Variants in TMEM232 observed in about 807,000 individuals in gnomAD.
TMEM232 encodes the protein transmembrane protein 232.
In TMEM232, 80 loss-of-function variants were observed where a neutral mutation model predicts 78.8. That is an observed-to-expected ratio of 1.01 (90% CI 0.85 to 1.22). The LOEUF (loss-of-function observed/expected upper bound fraction) is 1.22. TMEM232 is among the 50% of genes most tolerant of loss of function. The probability of loss-of-function intolerance (pLI) is 0.00; values close to 1 mark genes in which losing one functional copy is unlikely to be tolerated. For missense variants in TMEM232, 881 were observed against 742.2 expected, an observed-to-expected ratio of 1.19 and a Z score of -2.17; for synonymous variants, 297 against 254.3, an observed-to-expected ratio of 1.17 and a Z score of -1.60.
At chr5:110,466,574 G>A (rs1156692945) in intron 12 of TMEM232, among the ~76,000 whole-genome samples, 1 of 150,836 alleles carries the variant, frequency 6.6e-6, no homozygotes, top group African/African-American at 2.4e-5. Context: ...ATCCATTAAA[G>A]TATATTTAGT....
At chr5:110,435,186 C>T (rs755956388) in intron 12 of TMEM232, among the ~76,000 whole-genome samples, 1 of 151,712 alleles carries the variant, frequency 6.6e-6, no homozygotes, top group Non-Finnish European at 1.5e-5. Context: ...TTTCTGATTC[C>T]ACCAGAAGGC....
chr5:110,649,414 T>C (rs773475140), intron 2 of TMEM232, among the ~76,000 whole-genome samples: 7 of 152,150 alleles, frequency 4.6e-5, no homozygotes, highest in Non-Finnish European at 1.0e-4. Context: ...TATGTTCATA[T>C]AGTCTTCTGT....
chr5:110,387,457 T>C (rs535852474), intron 5 of TMEM232: 29 of 152,310 alleles, frequency 1.9e-4, no homozygotes, highest in African/African-American at 7.0e-4. Flanking sequence ...AAATTTTATT[T>C]AGTTATGTTT....
At chr5:110,559,662 G>T (rs1176781727) in intron 11 of TMEM232, among the ~76,000 whole-genome samples, 4 of 152,094 alleles carry the variant, frequency 2.6e-5, no homozygotes, top group East Asian at 3.9e-4. Flanking sequence ...CGTTAAAAAG[G>T]CTGAAAATTT....
intron 10 of TMEM232, among the ~76,000 whole-genome samples, chr5:110,596,682 C>T (rs1780209406): frequency 6.6e-6 from 1 of 152,182 alleles, no homozygotes; most frequent in Non-Finnish European, 1.5e-5. Flanking sequence ...AAGTGGGCTT[C>T]ATCCCTGGGA....
At chr5:110,682,335 C>T (rs79324560) in intron 1 of TMEM232, among the ~76,000 whole-genome samples, 256 of 151,938 alleles carry the variant, frequency 1.7e-3, no homozygotes, top group African/African-American at 5.7e-3. Flanking sequence ...GATTGAATTG[C>T]TCTCCCTTTA....
intron 1 of TMEM232, among the ~76,000 whole-genome samples, chr5:110,704,272 C>A (rs954442165): frequency 2.6e-5 from 4 of 152,004 alleles, no homozygotes; most frequent in Non-Finnish European, 4.4e-5. Context: ...CATACCTGTG[C>A]AGCTATAATC....
rs535861176 is a variant in TMEM232 at position 110,606,002 on chromosome 5, A to T, written c.1026+162T>A. Among the ~76,000 whole-genome samples, 10 of 152,202 alleles carry T rather than the reference A, an allele frequency of 6.6e-5. No individual in the cohort carries two copies. The South Asian group carries it at 1.0e-3, about 16-fold the overall frequency. ...TATGTAATGAAAATGAAAAATGTTT[A>T]TGATAAATGGTAACTGTGAATTTGC... On this transcript the variant is annotated intron_variant, in intron 9 of 13. Transcript: ENST00000455884.
intron 12 of TMEM232, among the ~76,000 whole-genome samples, chr5:110,505,378 G>C (rs1033788472): frequency 1.3e-5 from 2 of 152,190 alleles, no homozygotes; most frequent in African/African-American, 4.8e-5. Flanking sequence ...TGGTGATCAT[G>C]ATGGTTAGGG....
chr5:110,685,431 A>G (rs1051746644), intron 1 of TMEM232, among the ~76,000 whole-genome samples: 5 of 152,134 alleles, frequency 3.3e-5, no homozygotes, highest in African/African-American at 1.2e-4. Context: ...TAGTCTTTGG[A>G]AAAATTCAAA....
intron 12 of TMEM232, among the ~76,000 whole-genome samples, chr5:110,456,999 T>C (rs1288126719): frequency 6.6e-6 from 1 of 152,114 alleles, no homozygotes; most frequent in East Asian, 1.9e-4. Context: ...GCATGACTTA[T>C]TACATTTTTA....
intron 10 of TMEM232, among the ~76,000 whole-genome samples, chr5:110,589,466 C>T (rs766984050): frequency 2.6e-5 from 4 of 152,164 alleles, no homozygotes; most frequent in Non-Finnish European, 4.4e-5. Context: ...CATTCTTCAA[C>T]ATGCAGATGG....
rs1180186919 is a variant in TMEM232, at chr5:110,618,582, T to A, written c.769-20A>T. The A allele has an allele frequency of 6.5e-7, 1 of 1,528,906 alleles. No homozygotes were observed. Among genetic ancestry groups the A allele is most frequent in the Admixed American group, 2.3e-5 (1 of 43,942 alleles). The allele number at this position is 1,528,906 out of a possible 1,614,324, so 94.7% of individuals were successfully genotyped here. A position where few individuals can be genotyped will look rare whatever the true frequency, so the allele number is the denominator to read the frequency against. ...TCCTCCCTGATTAAATTGCAAATGT[T>A]TCAGGAATTAAAATATAAAAATATA... On this transcript the variant is annotated intron_variant, in intron 7 of 13. Transcript: ENST00000455884.
At chr5:110,656,435 T>C (rs1373600703) in intron 2 of TMEM232, among the ~76,000 whole-genome samples, 1 of 152,194 alleles carries the variant, frequency 6.6e-6, no homozygotes, top group Non-Finnish European at 1.5e-5. Flanking sequence ...AGTTTGAACG[T>C]GTGCCTGTTT....
chr5:110,525,169 A>T (rs988242485), intron 12 of TMEM232, among the ~76,000 whole-genome samples: 1 of 144,302 alleles, frequency 6.9e-6, no homozygotes, highest in Non-Finnish European at 1.5e-5. Context: ...TAACAATAAG[A>T]AAAAAAAAAA....
intron 1 of TMEM232, among the ~76,000 whole-genome samples, chr5:110,719,768 T>C (rs1364945895): frequency 6.6e-6 from 1 of 152,128 alleles, no homozygotes; most frequent in African/African-American, 2.4e-5. Flanking sequence ...GGGATGACAG[T>C]GAATTTGGCA....
intron 12 of TMEM232, among the ~76,000 whole-genome samples, chr5:110,490,134 AAAG>A (rs1474347516): frequency 3.3e-5 from 3 of 91,496 alleles, no homozygotes; most frequent in Non-Finnish European, 6.2e-5. Context: ...AGAAAGAAAG[AAAG>A]AAAGAAAGAA....
intron 3 of TMEM232, among the ~76,000 whole-genome samples, chr5:110,393,880 C>T (rs1351535176): frequency 1.3e-5 from 2 of 150,804 alleles, no homozygotes; most frequent in Non-Finnish European, 2.9e-5. Flanking sequence ...ATCACTTGAA[C>T]CCGGGAGGCA....
intron 10 of TMEM232, among the ~76,000 whole-genome samples, chr5:110,571,410 T>C (rs1776922994): frequency 6.6e-6 from 1 of 151,958 alleles, no homozygotes; most frequent in African/African-American, 2.4e-5. Flanking sequence ...CCACAGCAAA[T>C]CAAGACATTT....
Sources: gnomAD v4.1 joint callset for allele counts (sites outside exome capture counted in the v4.1 genomes callset) on GRCh38, gnomAD v4.1.1 for gene constraint, MANE v1.5 for transcripts, NCBI Gene and HGNC (gene_info 2026-07-23, HGNC 2026-07-21) for gene names.